DLGAP2: variants seen among roughly 807,000 people sequenced by gnomAD.
DLGAP2 encodes disks large-associated protein 2.
Under a neutral mutation model 100.3 loss-of-function variants are expected in DLGAP2, and 26 were observed. The observed-to-expected ratio is 0.26, with a 90% CI of 0.19 to 0.36. The LOEUF is 0.36. Ranked by LOEUF, DLGAP2 falls within the 10% of genes least tolerant of loss-of-function variation. The pLI, the probability that DLGAP2 is intolerant of heterozygous loss-of-function variation, is 1.00. For synonymous variants in DLGAP2, 886 were observed against 630.1 expected, an observed-to-expected ratio of 1.41 and a Z score of -6.08; for missense variants, 1,858 against 1,453.2, an observed-to-expected ratio of 1.28 and a Z score of -4.53.
chr8:1,624,702 T>TGGTGCC (rs1200328666), intron 6 of DLGAP2, among the ~76,000 whole-genome samples: 50 of 152,024 alleles, frequency 3.3e-4, no homozygotes, highest in Non-Finnish European at 1.8e-4. Context: ...CTGCTGGTGC[T>TGGTGCC]GGTGCCGGTC....
intron 2 of DLGAP2, among the ~76,000 whole-genome samples, chr8:909,940 A>G (rs1381211061): frequency 6.6e-6 from 1 of 152,210 alleles, no homozygotes; most frequent in Non-Finnish European, 1.5e-5. Flanking sequence ...TTTGCATTTC[A>G]GTGGCATATA....
At chr8:1,669,662 G>A in intron 9 of DLGAP2, 81 bp from the exon 10 acceptor site, 3 of 778,004 alleles carry the variant, frequency 3.9e-6, no homozygotes, top group Non-Finnish European at 7.2e-6. Context: ...AGGCATGCGG[G>A]CGGAGAGAGC....
At chr8:1,287,291 G>GTT (rs1799947282) in intron 3 of DLGAP2, among the ~76,000 whole-genome samples, 4 of 137,340 alleles carry the variant, frequency 2.9e-5, no homozygotes, top group African/African-American at 1.1e-4. Flanking sequence ...TGGTTGTTAG[G>GTT]AGGGGAACTA....
chr8:1,244,051 C>T (rs567780906), intron 2 of DLGAP2, among the ~76,000 whole-genome samples: 27 of 151,942 alleles, frequency 1.8e-4, no homozygotes, highest in Admixed American at 7.2e-4. Context: ...TCCCAGCCTC[C>T]GCACTCCACC....
At chr8:1,048,559 G>A (rs1335630152) in intron 2 of DLGAP2, among the ~76,000 whole-genome samples, 1 of 151,696 alleles carries the variant, frequency 6.6e-6, no homozygotes, top group African/African-American at 2.4e-5. Context: ...TCTTCTGCTT[G>A]AAATGATGTT....
intron 3 of DLGAP2, among the ~76,000 whole-genome samples, chr8:1,384,654 A>G (rs376111324): frequency 0.28 from 8,975 of 32,162 alleles, 293 homozygotes; most frequent in East Asian, 0.39. Context: ...TGAGAACTTG[A>G]TGCACAGTTA....
chr8:1,523,992 G>T (rs1221288127), intron 4 of DLGAP2, among the ~76,000 whole-genome samples: 1 of 152,220 alleles, frequency 6.6e-6, no homozygotes, highest in East Asian at 1.9e-4. Context: ...TCCGCCGCAA[G>T]TCCGGATTCG....
At chr8:1,140,245 C>G (rs1033955577) in intron 2 of DLGAP2, among the ~76,000 whole-genome samples, 1 of 152,166 alleles carries the variant, frequency 6.6e-6, no homozygotes, top group African/African-American at 2.4e-5. Context: ...GAGGGCATTC[C>G]TGGATGAAGT....
At position 1,446,109 on chromosome 8, in the gene DLGAP2, G is replaced by A. The variant is rs540281139; in HGVS notation, c.107-55257G>A. On this transcript the variant is annotated intron_variant, in intron 3 of 14. Transcript: ENST00000637795. ...TCTTGAGTTTAATTAGATCCCATTT[G>A]TCAATTTTGGCTTTTGTTGCCATTG... Among the ~76,000 whole-genome samples the A allele has an allele frequency of 4.7e-3, 708 of 152,064 alleles. 2 individuals are homozygous for A. The highest frequency in any genetic ancestry group is 8.4e-3 in the Non-Finnish European group (573 of 67,976).
chr8:845,577 C>T (rs1014557393), intron 1 of DLGAP2, among the ~76,000 whole-genome samples: 7 of 152,132 alleles, frequency 4.6e-5, no homozygotes, highest in Non-Finnish European at 5.9e-5. Flanking sequence ...GACGTATGAC[C>T]TGCAAATAAT....
chr8:1,315,124 A>G (rs1172560961), intron 3 of DLGAP2, among the ~76,000 whole-genome samples: 2 of 152,268 alleles, frequency 1.3e-5, no homozygotes, highest in Admixed American at 6.5e-5. Context: ...AGTAAGTAAC[A>G]TTTTGAGAAG....
chr8:1,448,351 AGT>A (rs1327500131), intron 3 of DLGAP2, among the ~76,000 whole-genome samples: 2 of 152,184 alleles, frequency 1.3e-5, no homozygotes, highest in African/African-American at 4.8e-5. Flanking sequence ...TGTACCTAGT[AGT>A]CATTCAGGAG....
intron 1 of DLGAP2, among the ~76,000 whole-genome samples, chr8:857,932 G>A (rs1797312758): frequency 6.6e-6 from 1 of 151,482 alleles, no homozygotes; most frequent in African/African-American, 2.4e-5. Context: ...GTGCAGTGGT[G>A]TGATCTCGGC....
chr8:1,215,401 C>A (rs1198029603), intron 2 of DLGAP2, among the ~76,000 whole-genome samples: 1 of 152,128 alleles, frequency 6.6e-6, no homozygotes, highest in Non-Finnish European at 1.5e-5. Flanking sequence ...CTGATGGGTT[C>A]ATTAGGGTGC....
At chr8:1,198,490 G>A (rs1419979667) in intron 2 of DLGAP2, among the ~76,000 whole-genome samples, 3 of 152,070 alleles carry the variant, frequency 2.0e-5, no homozygotes, top group Non-Finnish European at 4.4e-5. Flanking sequence ...AGGGCCTGTG[G>A]TCCAGAAGGA....
intron 8 of DLGAP2, among the ~76,000 whole-genome samples, chr8:1,665,730 G>A (rs1021238998): frequency 3.3e-5 from 5 of 152,358 alleles, no homozygotes; most frequent in East Asian, 1.9e-4. Context: ...GCTCCAGCGC[G>A]CAGCGGACAC....
At chr8:1,072,358 A>G (rs1803460340) in intron 2 of DLGAP2, among the ~76,000 whole-genome samples, 1 of 152,178 alleles carries the variant, frequency 6.6e-6, no homozygotes, top group African/African-American at 2.4e-5. Context: ...TAATTCATAA[A>G]TCTTGGTTCT....
chr8:1,170,508 G>T (rs1358501744), intron 2 of DLGAP2, among the ~76,000 whole-genome samples: 3 of 151,512 alleles, frequency 2.0e-5, no homozygotes, highest in African/African-American at 7.3e-5. Context: ...GAATCCATCT[G>T]GTCCTGGACT....
chr8:1,299,118 G>T (rs969147287), intron 3 of DLGAP2, among the ~76,000 whole-genome samples: 8 of 152,200 alleles, frequency 5.3e-5, no homozygotes, highest in African/African-American at 1.7e-4. Flanking sequence ...AAATGTGTAT[G>T]GTACAAAGAA....
Sources: gnomAD v4.1 joint callset for allele counts (sites outside exome capture counted in the v4.1 genomes callset) on GRCh38, gnomAD v4.1.1 for gene constraint, MANE v1.5 for transcripts, NCBI Gene and HGNC (gene_info 2026-07-23, HGNC 2026-07-21) for gene names.